EXD3: variants seen among roughly 807,000 people sequenced by gnomAD.
The protein encoded by EXD3 is exonuclease mut-7 homolog.
EXD3 carries 92 observed loss-of-function variants against 98.0 expected under a neutral mutation model. The observed-to-expected ratio is 0.94, with a 90% CI of 0.79 to 1.12. EXD3 has a LOEUF of 1.12. EXD3 is among the 50% of genes most tolerant of loss of function. EXD3 has a pLI of 0.00. For missense variants in EXD3, 1,222 were observed against 1,191.6 expected (o/e 1.03, Z -0.38); for synonymous variants, 569 against 526.0 (o/e 1.08, Z -1.12).
At chr9:137,391,079 C>T (rs1173275058) in intron 2 of EXD3, among the ~76,000 whole-genome samples, 4 of 152,332 alleles carry the variant, frequency 2.6e-5, no homozygotes, top group East Asian at 1.9e-4. Context: ...AGGGCAGCCT[C>T]GGCAGCTTCT....
intron 1 of EXD3, among the ~76,000 whole-genome samples, chr9:137,408,525 C>T (rs1326510342): frequency 6.0e-5 from 6 of 100,360 alleles, no homozygotes; most frequent in Non-Finnish European, 3.9e-5. Flanking sequence ...CCAGCCTGGG[C>T]GATAGAGTGA....
intron 17 of EXD3, among the ~76,000 whole-genome samples, chr9:137,338,952 G>A (rs1833513917): frequency 1.3e-5 from 2 of 151,040 alleles, no homozygotes; most frequent in Admixed American, 1.3e-4. Flanking sequence ...TGAGAAGAGT[G>A]AGAGCAAAAG....
intron 7 of EXD3, among the ~76,000 whole-genome samples, chr9:137,364,721 G>T (rs1359705096): frequency 1.3e-5 from 2 of 151,474 alleles, no homozygotes; most frequent in African/African-American, 4.9e-5. Flanking sequence ...TCTTCGCAAT[G>T]AGACCCCTGG....
intron 2 of EXD3, among the ~76,000 whole-genome samples, chr9:137,387,922 G>A (rs563436432): frequency 2.0e-5 from 3 of 152,336 alleles, no homozygotes; most frequent in Non-Finnish European, 2.9e-5. Context: ...GTGCTGCACC[G>A]ATGCCTGGGA....
Position 137,352,610 on chromosome 9 carries a change from CGGCGCTCACCTCCCCTGGA to C in EXD3, c.1028_1037+9del, listed in dbSNP as rs1403956094. ...CCACCCCTGGCTGGGGTCACCCTGGCGGCGCTCACCTCCCCTGGAGCCTGAACCGGCGGAGTTCCACAGC... is the reference window on the plus strand; with the variant it reads ...CCACCCCTGGCTGGGGTCACCCTGGCGCCTGAACCGGCGGAGTTCCACAGC... On this transcript the variant is annotated splice_donor_variant and splice_donor_5th_base_variant and coding_sequence_variant and intron_variant, in exon 11 of 22. Transcript: ENST00000340951. LOFTEE classifies it high-confidence loss of function. 6.5e-7 allele frequency: 1 copy of C among 1,533,768 alleles called. No homozygotes were observed. Among genetic ancestry groups the C allele is most frequent in the Admixed American group, 2.1e-5 (1 of 48,356 alleles).
intron 1 of EXD3, among the ~76,000 whole-genome samples, chr9:137,419,774 C>T (rs1177227265): frequency 6.6e-6 from 1 of 152,164 alleles, no homozygotes; most frequent in Non-Finnish European, 1.5e-5. Flanking sequence ...CTTCCGATAA[C>T]CTGGGAGATC....
chr9:137,323,640 C>G, intron 19 of EXD3, 85 bp downstream of exon 19: 1 of 1,548,718 alleles, frequency 6.5e-7, no homozygotes, highest in Non-Finnish European at 8.7e-7. Context: ...CCACCACTGT[C>G]TAGGGTGGGG....
At position 137,405,606 on chromosome 9, in the gene EXD3, G is replaced by A. The variant is rs936746956; in HGVS notation, c.-47-10202C>T. On this transcript the variant is annotated intron_variant, in intron 1 of 21. Coordinates refer to ENST00000340951, the MANE Select transcript of EXD3 (RefSeq NM_017820.5). This position sits in a 1 kb window ranked among gnomAD's most constrained non-coding sequence, Gnocchi z 4.1. ...CTGAGAGGCAGAAGGCTCAGGCACA[G>A]CTCCCACTCTGTAAGGCAGCAGAAG... Among the ~76,000 whole-genome samples the A allele has an allele frequency of 5.3e-5, 8 of 152,266 alleles. No individual in the cohort carries two copies. Among genetic ancestry groups the A allele is most frequent in the African/African-American group, 1.9e-4 (8 of 41,474 alleles).
intron 19 of EXD3, among the ~76,000 whole-genome samples, chr9:137,314,615 C>T (rs1056597444): frequency 3.3e-5 from 5 of 152,094 alleles, no homozygotes; most frequent in African/African-American, 7.2e-5. Flanking sequence ...CCTGTCCCCC[C>T]GCCCCCAGGG....
rs1002428367 is a variant in EXD3, at chr9:137,348,178, G to A, written c.1891C>T (p.Arg631Cys). The part of the protein sequence containing the change: ...AAPQIPARAF[R>C]VVCDNMLQGL... ...TGCAGCATGTTGTCACACACCACAC[G>A]GAAGGCCCTGGCCGGAATCTGAGGG... Residue 631 changes from arginine to cysteine, a missense_variant, in exon 17 of 22, where the codon CGT becomes TGT. Transcript: ENST00000340951. 1.2e-5 allele frequency: 19 copies of A among 1,611,696 alleles called. No homozygotes were observed. The highest frequency in any genetic ancestry group is 6.7e-5 in the African/African-American group (5 of 74,746).
rs1837765546 is a variant in EXD3 at position 137,407,258 on chromosome 9, T to G, written c.-47-11854A>C. Among the ~76,000 whole-genome samples, 1 of 152,142 alleles carries G rather than the reference T, an allele frequency of 6.6e-6. No homozygotes were observed. Among genetic ancestry groups the G allele is most frequent in the Non-Finnish European group, 1.5e-5 (1 of 68,014 alleles). ...CGCACGCCCAGGCTGGGTCTCCGTT[T>G]CCCACCAGGCCAGCGCTGCAGGCAG... On this transcript the variant is annotated intron_variant, in intron 1 of 21. Transcript: ENST00000340951. The surrounding 1 kb of genome is among the most constrained non-coding windows in gnomAD (Gnocchi z 4.4).
intron 2 of EXD3, among the ~76,000 whole-genome samples, chr9:137,383,774 C>T (rs1836446194): frequency 6.6e-6 from 1 of 152,232 alleles, no homozygotes; most frequent in Admixed American, 6.5e-5. Flanking sequence ...AGTCCTGGCA[C>T]CACGAGGACC....
At chr9:137,318,955 C>T (rs1831869528) in intron 19 of EXD3, among the ~76,000 whole-genome samples, 1 of 152,280 alleles carries the variant, frequency 6.6e-6, no homozygotes, top group African/African-American at 2.4e-5. Flanking sequence ...CAGCCTCGCT[C>T]TGGGAACCCT....
chr9:137,361,670 C>T (rs189422118), intron 7 of EXD3, among the ~76,000 whole-genome samples: 14 of 149,890 alleles, frequency 9.3e-5, no homozygotes, highest in South Asian at 4.4e-4. Context: ...TACTTGAACC[C>T]GGGAGGCGGA....
chr9:137,367,851 C>T (rs1279766402), intron 6 of EXD3, 85 bp downstream of exon 6: 13 of 1,367,374 alleles, frequency 9.5e-6, no homozygotes, highest in African/African-American at 1.4e-5. Flanking sequence ...TTGGTGGACT[C>T]CCGACCTCCA....
At chr9:137,365,834 A>C in intron 7 of EXD3, 1 of 353,748 alleles carries the variant, frequency 2.8e-6, no homozygotes, top group South Asian at 2.1e-5. Context: ...GCAGACATAC[A>C]CACCTGCACA....
At chr9:137,325,133 C>T (rs904000508) in intron 17 of EXD3, among the ~76,000 whole-genome samples, 1 of 152,212 alleles carries the variant, frequency 6.6e-6, no homozygotes, top group Admixed American at 6.5e-5. Flanking sequence ...AAGACCCAAT[C>T]CCATCGCCGG....
At chr9:137,367,074 G>A (rs1390117078) in intron 6 of EXD3, among the ~76,000 whole-genome samples, 2 of 152,196 alleles carry the variant, frequency 1.3e-5, no homozygotes, top group Admixed American at 1.3e-4. Context: ...CTGGGCCTTG[G>A]GGCACACCAG....
intron 19 of EXD3, among the ~76,000 whole-genome samples, chr9:137,319,203 C>G (rs899009104): frequency 6.6e-6 from 1 of 152,252 alleles, no homozygotes; most frequent in East Asian, 1.9e-4. Flanking sequence ...GCGTGCCGCT[C>G]TCTGCTGGCT....
Sources: allele counts gnomAD v4.1 joint callset (sites outside exome capture counted in the v4.1 genomes callset), GRCh38; gene constraint gnomAD v4.1.1; non-coding constraint Gnocchi (gnomAD v3.1); transcripts MANE v1.5; gene names NCBI Gene and HGNC (gene_info 2026-07-23, HGNC 2026-07-21).